MED25: variants seen among roughly 807,000 people sequenced by gnomAD.
The protein encoded by MED25 is mediator complex subunit 25.
A neutral mutation model predicts 89.4 loss-of-function variants in MED25; 62 were observed. That is an observed-to-expected ratio of 0.69 (90% CI 0.57 to 0.86). MED25 has a LOEUF of 0.86. Among genes scored for constraint, MED25 ranks in the 40% least tolerant of loss-of-function variants. The pLI is 0.00. For missense variants in MED25, 905 were observed against 1,005.2 expected (o/e 0.90, Z 1.35); for synonymous variants, 449 against 427.9 (o/e 1.05, Z -0.61).
chr19:49,821,939 G>A (rs1025821510), intron 3 of MED25, among the ~76,000 whole-genome samples: 8 of 150,838 alleles, frequency 5.3e-5, no homozygotes, highest in African/African-American at 1.2e-4. Context: ...GACCAGCCTG[G>A]CCAACATGGT....
chr19:49,818,750 T>A, intron 2 of MED25, 134 bp downstream of exon 2: 1 of 864,968 alleles, frequency 1.2e-6, no homozygotes, highest in South Asian at 1.5e-5. Context: ...GGACTCCTTG[T>A]TCTGAGGGAG....
In MED25 at chr19:49,823,443, C is replaced by T. The variant is rs533173785; in HGVS notation, c.305+4147C>T. On this transcript the variant is annotated intron_variant, in intron 3 of 17. Transcript: ENST00000312865. ...TAGTTGATGATGTTTAATACAGTGC[C>T]TGGCATGTATTAAGTGCCGTGTAAG... 5.9e-5 allele frequency among the ~76,000 whole-genome samples: 9 copies of T among 152,300 alleles called. No individual in the cohort carries two copies. The South Asian group carries it at 1.2e-3, about 21-fold the overall frequency.
At chr19:49,818,794 G>C in intron 2 of MED25, 178 bp downstream of exon 2, 1 of 688,378 alleles carries the variant, frequency 1.5e-6, no homozygotes, top group South Asian at 1.8e-5. Flanking sequence ...TGGGTCTGAG[G>C]GTGGAGGCGC....
At position 49,831,568 on chromosome 19, in the gene MED25, G is replaced by C; in HGVS notation, c.1230+107G>C. On this transcript the variant is annotated intron_variant, in intron 10 of 17. Transcript: ENST00000312865. This position sits in a 1 kb window ranked among gnomAD's most constrained non-coding sequence, Gnocchi z 5.0. ...CGTGGGGTCTGCAGTGCTGGGTTTG[G>C]AGGCATTCGTTGCGCTGGACCTGTG... 1 of 1,398,598 alleles carries C rather than the reference G, an allele frequency of 7.2e-7. No individual in the cohort carries two copies. Among genetic ancestry groups the C allele is most frequent in the East Asian group, 2.4e-5 (1 of 40,854 alleles). The allele number at this position is 1,398,598 out of a possible 1,614,324, so 86.6% of individuals were successfully genotyped here. A position where few individuals can be genotyped will look rare whatever the true frequency, so the allele number is the denominator to read the frequency against.
intron 12 of MED25, 56 bp downstream of exon 12, chr19:49,832,213 C>T (rs979400763): frequency 5.1e-5 from 81 of 1,590,050 alleles, no homozygotes; most frequent in Non-Finnish European, 6.9e-5. Context: ...CCTGCTGTCT[C>T]TTTCCTGTTC....
At chr19:49,825,913 C>T (rs1764512726) in intron 3 of MED25, among the ~76,000 whole-genome samples, 2 of 152,140 alleles carry the variant, frequency 1.3e-5, no homozygotes, top group Admixed American at 1.3e-4. Context: ...CCCCCATCCC[C>T]AGCCAGGGTG....
intron 13 of MED25, chr19:49,832,847 C>A (rs1049678247): frequency 1.4e-5 from 4 of 279,438 alleles, no homozygotes; most frequent in African/African-American, 8.8e-5. Flanking sequence ...GGGAAGGCCT[C>A]TTCGTTGCCT....
Position 49,829,989 on chromosome 19 carries a change from T to C in MED25, c.688+41T>C. The C allele has an allele frequency of 1.9e-6, 3 of 1,600,126 alleles. No individual in the cohort carries two copies. Among genetic ancestry groups the C allele is most frequent in the Non-Finnish European group, 2.6e-6 (3 of 1,171,208 alleles). ...CGTGCGCGGGGATGGGGGCTCGACG[T>C]GTTTCCCCAGCTCCCTCTGACTTGG... On this transcript the variant is annotated intron_variant, in intron 6 of 17. Coordinates refer to ENST00000312865, the MANE Select transcript of MED25 (RefSeq NM_030973.4). The surrounding 1 kb of genome is among the most constrained non-coding windows in gnomAD (Gnocchi z 4.6).
At chr19:49,825,369 C>T (rs1193130063) in intron 3 of MED25, among the ~76,000 whole-genome samples, 1 of 152,096 alleles carries the variant, frequency 6.6e-6, no homozygotes, top group African/African-American at 2.4e-5. Flanking sequence ...CTGCCTCAGC[C>T]TCCCGAGTAG....
Position 49,819,155 on chromosome 19 carries a change from C to T in MED25, c.181-17C>T. ...ATTGAGGTCCCAGATTAAAAGTTTT[C>T]TGTCCTCCCCTCCCAGTATGGGGGG... On this transcript the variant is annotated splice_polypyrimidine_tract_variant and intron_variant, in intron 2 of 17. Transcript: ENST00000312865. The T allele has an allele frequency of 6.2e-7, 1 of 1,614,068 alleles. No homozygotes were observed. The highest frequency in any genetic ancestry group is 8.5e-7 in the Non-Finnish European group (1 of 1,179,992).
Position 49,835,511 on chromosome 19 carries a change from C to A in MED25, c.1675-23C>A. On this transcript the variant is annotated intron_variant, in intron 14 of 17. Transcript: ENST00000312865. The surrounding 1 kb of genome is among the most constrained non-coding windows in gnomAD (Gnocchi z 6.2). Reference sequence around the variant, plus strand: ...GGATGCCACCACCCTCAGTTACTGACCTGCCCCTCTCTCCCCGTGCAGATG... The same window carrying A: ...GGATGCCACCACCCTCAGTTACTGAACTGCCCCTCTCTCCCCGTGCAGATG... 6.5e-7 allele frequency: 1 copy of A among 1,529,180 alleles called. No homozygotes were observed. Among genetic ancestry groups the A allele is most frequent in the Non-Finnish European group, 8.8e-7 (1 of 1,136,244 alleles). 94.7% of individuals were successfully genotyped at this position (1,529,180 alleles called of 1,614,324 possible).
In MED25 at chr19:49,829,949, G is replaced by A; in HGVS notation, c.688+1G>A. ...CTGGTTCGGGGACTCGTGCTGCCTG[G>A]TGAGGCCTGGGCACCGTGCGCGGGG... On this transcript the variant is annotated splice_donor_variant, in intron 6 of 17. Coordinates refer to ENST00000312865, the MANE Select transcript of MED25 (RefSeq NM_030973.4). LOFTEE classifies it high-confidence loss of function. The surrounding 1 kb of genome is among the most constrained non-coding windows in gnomAD (Gnocchi z 4.6). 3 of 1,610,990 alleles carry A rather than the reference G, an allele frequency of 1.9e-6. No homozygotes were observed. Among genetic ancestry groups the A allele is most frequent in the Non-Finnish European group, 2.5e-6 (3 of 1,178,194 alleles).
chr19:49,837,670 T>C (rs996371383), downstream of MED25, among the ~76,000 whole-genome samples: 11 of 151,596 alleles, frequency 7.3e-5, no homozygotes, highest in African/African-American at 2.7e-4. Flanking sequence ...CAGGCCTACG[T>C]GATGGTAGGT....
At chr19:49,826,431 A>G (rs532085375) in intron 3 of MED25, among the ~76,000 whole-genome samples, 3 of 152,224 alleles carry the variant, frequency 2.0e-5, no homozygotes, top group African/African-American at 7.2e-5. Context: ...GAGAGCAGGA[A>G]GAAGGCTCAG....
In MED25 at chr19:49,830,978, G is replaced by T; in HGVS notation, c.1101+91G>T. The T allele has an allele frequency of 1.4e-6, 2 of 1,396,760 alleles. No homozygotes were observed. The highest frequency in any genetic ancestry group is 2.0e-6 in the Non-Finnish European group (2 of 997,180). The allele number at this position is 1,396,760 out of a possible 1,614,324, so 86.5% of individuals were successfully genotyped here. A position where few individuals can be genotyped will look rare whatever the true frequency, so the allele number is the denominator to read the frequency against. Reference sequence around the variant, plus strand: ...GGATGAGTCATTTGCCTTCCAGGGGGATGTGGCTCTCGTGGTTCTGGGGCT... The same window carrying T: ...GGATGAGTCATTTGCCTTCCAGGGGTATGTGGCTCTCGTGGTTCTGGGGCT... On this transcript the variant is annotated intron_variant, in intron 9 of 17. Coordinates refer to ENST00000312865, the MANE Select transcript of MED25 (RefSeq NM_030973.4). The surrounding 1 kb of genome is among the most constrained non-coding windows in gnomAD (Gnocchi z 4.6).
chr19:49,835,551 A>AC lies in MED25; in HGVS notation c.1697dup (p.Gly567ArgfsTer?). The stretch of plus-strand genomic sequence containing the variant: ...CCGTGCAGATGGGGGGACAGCAGGC[A>AC]CCCCCAGGGCTGGGGCCCATTCTGG... On this transcript the variant is annotated frameshift_variant, in exon 15 of 18. Coordinates refer to ENST00000312865, the MANE Select transcript of MED25 (RefSeq NM_030973.4). LOFTEE classifies it high-confidence loss of function. The surrounding 1 kb of genome is among the most constrained non-coding windows in gnomAD (Gnocchi z 6.2). The AC allele has an allele frequency of 6.4e-7, 1 of 1,563,090 alleles. No individual in the cohort carries two copies. Among genetic ancestry groups the AC allele is most frequent in the Non-Finnish European group, 8.7e-7 (1 of 1,154,316 alleles).
Position 49,829,099 on chromosome 19 carries a change from TC to T in MED25, c.525+11del. On this transcript the variant is annotated intron_variant, in intron 5 of 17. Coordinates refer to ENST00000312865, the MANE Select transcript of MED25 (RefSeq NM_030973.4). This position sits in a 1 kb window ranked among gnomAD's most constrained non-coding sequence, Gnocchi z 4.6. ...TGCAGCAGATTGGGGAGGTGAGGACTCCAGGGTCTGAGGGACGAGGGTCTGG... is the reference window on the plus strand; with the variant it reads ...TGCAGCAGATTGGGGAGGTGAGGACTCAGGGTCTGAGGGACGAGGGTCTGG... The T allele has an allele frequency of 3.1e-6, 5 of 1,612,818 alleles. No homozygotes were observed. Among genetic ancestry groups the T allele is most frequent in the Non-Finnish European group, 4.2e-6 (5 of 1,179,364 alleles).
rs149732559 is a variant in MED25, at chr19:49,825,330, C to A, written c.306-3119C>A. On this transcript the variant is annotated intron_variant, in intron 3 of 17. Transcript: ENST00000312865. ...GTGGCATGATCTCAGCTCACTACAA[C>A]CTCTGCCCCCGAGGTTCAAGTGATT... 2.6e-3 allele frequency among the ~76,000 whole-genome samples: 389 copies of A among 152,180 alleles called. 3 individuals carry two copies. Among genetic ancestry groups the A allele is most frequent in the African/African-American group, 8.9e-3 (368 of 41,544 alleles).
chr19:49,838,651 G>C, downstream of MED25: 1 of 457,240 alleles, frequency 2.2e-6, no homozygotes, highest in Non-Finnish European at 4.4e-6. Flanking sequence ...TTTCTTTGTG[G>C]AAGTGAAGAG....
Sources: allele counts gnomAD v4.1 joint callset (sites outside exome capture counted in the v4.1 genomes callset), GRCh38; gene constraint gnomAD v4.1.1; non-coding constraint Gnocchi (gnomAD v3.1); transcripts MANE v1.5; gene names NCBI Gene and HGNC (gene_info 2026-07-23, HGNC 2026-07-21).